The following CCDC149 variants were observed in gnomAD, a reference collection of about 807,000 sequenced individuals.
The protein encoded by CCDC149 is coiled-coil domain containing 149, also known as coiled-coil domain-containing protein 149.
In CCDC149, 45 loss-of-function variants were observed where a neutral mutation model predicts 59.9. The observed-to-expected ratio is 0.75, with a 90% confidence interval of 0.59 to 0.96. CCDC149 has a LOEUF of 0.96. Ranked by LOEUF, CCDC149 falls within the 40% of genes least tolerant of loss-of-function variation. The pLI is 0.00. For missense variants in CCDC149, 584 were observed against 664.7 expected (o/e 0.88, Z 1.33); for synonymous variants, 245 against 260.6 (o/e 0.94, Z 0.58).
At chr4:24,898,239 C>T (rs1720956838) in intron 1 of CCDC149, among the ~76,000 whole-genome samples, 1 of 152,192 alleles carries the variant, frequency 6.6e-6, no homozygotes, top group Non-Finnish European at 1.5e-5. Flanking sequence ...ATTTAAAACA[C>T]ACTTTCACAT....
intron 1 of CCDC149, among the ~76,000 whole-genome samples, chr4:24,889,951 A>T (rs1234751023): frequency 2.0e-5 from 3 of 152,200 alleles, no homozygotes; most frequent in Non-Finnish European, 4.4e-5. Context: ...GGGACCTGTA[A>T]TCGTGCTTCC....
chr4:24,939,082 G>T (rs1381555506), intron 1 of CCDC149, among the ~76,000 whole-genome samples: 4 of 152,174 alleles, frequency 2.6e-5, no homozygotes, highest in African/African-American at 9.6e-5. Context: ...ATCTGAGAAC[G>T]GGCAGACTGC....
At chr4:24,978,178 G>A (rs1417086103) in intron 1 of CCDC149, among the ~76,000 whole-genome samples, 2 of 152,186 alleles carry the variant, frequency 1.3e-5, no homozygotes, top group Non-Finnish European at 2.9e-5. Flanking sequence ...GTCCAACACA[G>A]TAGCTACTAA....
At chr4:24,851,283 G>T (rs1293536776) in intron 4 of CCDC149, among the ~76,000 whole-genome samples, 2 of 152,172 alleles carry the variant, frequency 1.3e-5, no homozygotes, top group African/African-American at 4.8e-5. Context: ...TTTTGAAAGA[G>T]ATGGGGTCTC....
At chr4:24,844,895 T>C (rs1717175161) in intron 4 of CCDC149, among the ~76,000 whole-genome samples, 1 of 152,228 alleles carries the variant, frequency 6.6e-6, no homozygotes, top group African/African-American at 2.4e-5. Flanking sequence ...TCCTAGGTGC[T>C]GATCCCCATT....
intron 1 of CCDC149, among the ~76,000 whole-genome samples, chr4:24,924,648 G>T (rs142363139): frequency 2.6e-5 from 4 of 152,334 alleles, no homozygotes; most frequent in African/African-American, 9.6e-5. Context: ...CTGCTTCAGG[G>T]TAGTGGATTT....
intron 1 of CCDC149, among the ~76,000 whole-genome samples, chr4:24,970,633 C>T (rs1454200110): frequency 1.3e-5 from 2 of 152,134 alleles, no homozygotes; most frequent in East Asian, 1.9e-4. Flanking sequence ...AGAAGCCCCA[C>T]CAACATCACG....
chr4:24,880,375 G>A (rs538458188), intron 1 of CCDC149, among the ~76,000 whole-genome samples: 16 of 152,280 alleles, frequency 1.1e-4, no homozygotes, highest in South Asian at 4.1e-4. Context: ...TGACGAAATC[G>A]CCTAGCGGCA....
upstream of CCDC149, among the ~76,000 whole-genome samples, chr4:24,914,459 C>G (rs1560254936): frequency 6.6e-6 from 1 of 151,914 alleles, no homozygotes; most frequent in African/African-American, 2.4e-5. Flanking sequence ...CTTGCTTCTG[C>G]TCTTGGAAAC....
At chr4:24,848,397 C>A (rs888991977) in intron 4 of CCDC149, among the ~76,000 whole-genome samples, 1 of 152,014 alleles carries the variant, frequency 6.6e-6, no homozygotes, top group Non-Finnish European at 1.5e-5. Context: ...GGTAAATCTC[C>A]GTCTCTACTA....
At chr4:24,960,789 C>T (rs933325022) in intron 1 of CCDC149, among the ~76,000 whole-genome samples, 1 of 152,070 alleles carries the variant, frequency 6.6e-6, no homozygotes, top group Non-Finnish European at 1.5e-5. Flanking sequence ...GAGAAATAGA[C>T]AAATCCAAAA....
chr4:24,941,974 G>C (rs1722968090), intron 1 of CCDC149, among the ~76,000 whole-genome samples: 1 of 152,172 alleles, frequency 6.6e-6, no homozygotes, highest in Non-Finnish European at 1.5e-5. Context: ...GGTACAAGTA[G>C]GAGCTGGTAC....
intron 1 of CCDC149, among the ~76,000 whole-genome samples, chr4:24,908,109 A>AC (rs1721645373): frequency 2.0e-5 from 3 of 152,104 alleles, no homozygotes; most frequent in Admixed American, 2.0e-4. Flanking sequence ...ACTTCCAAAT[A>AC]AGGTCACATT....
chr4:24,967,459 A>C (rs562914020), intron 1 of CCDC149, among the ~76,000 whole-genome samples: 1 of 152,248 alleles, frequency 6.6e-6, no homozygotes, highest in Admixed American at 6.5e-5. Context: ...CTGTACCATC[A>C]ATCATGGATT....
rs1718964456 is a variant in CCDC149 at position 24,870,371 on chromosome 4, C to T, written c.264+3310G>A. 2.6e-5 allele frequency among the ~76,000 whole-genome samples: 4 copies of T among 152,296 alleles called. No individual in the cohort carries two copies. In the South Asian group the frequency reaches 6.2e-4, roughly 24 times the overall value. On this transcript the variant is annotated intron_variant, in intron 3 of 12. Coordinates refer to ENST00000635206, the MANE Select transcript of CCDC149 (RefSeq NM_001330643.2). ...ACTTAAAGCCCACATTACCTCTGAACTTCTCGCTATGTAAGGTAATTAATT... is the reference window on the plus strand; with the variant it reads ...ACTTAAAGCCCACATTACCTCTGAATTTCTCGCTATGTAAGGTAATTAATT...
intron 1 of CCDC149, among the ~76,000 whole-genome samples, chr4:24,970,626 A>G (rs1316860652): frequency 6.6e-6 from 1 of 152,166 alleles, no homozygotes; most frequent in Non-Finnish European, 1.5e-5. Flanking sequence ...TGGAACAAGA[A>G]GCCCCACCAA....
At chr4:24,950,864 C>T (rs970461737) in intron 1 of CCDC149, among the ~76,000 whole-genome samples, 1 of 152,210 alleles carries the variant, frequency 6.6e-6, no homozygotes, top group African/African-American at 2.4e-5. Context: ...TAAGCAGGAC[C>T]TGGCCAACGT....
chr4:24,895,720 A>C (rs931472394), intron 1 of CCDC149, among the ~76,000 whole-genome samples: 5 of 152,048 alleles, frequency 3.3e-5, no homozygotes, highest in Admixed American at 6.5e-5. Flanking sequence ...GTGTTACTAG[A>C]TTATCTCACT....
Position 24,811,355 on chromosome 4 carries a change from G to A in CCDC149, c.1193-2536C>T, listed in dbSNP as rs150916291. On this transcript the variant is annotated intron_variant, in intron 12 of 12. Coordinates refer to ENST00000635206, the MANE Select transcript of CCDC149 (RefSeq NM_001330643.2). ...TCTTCGATCCTTCAGTCTATCCTGC[G>A]TCCCCCCTGCTTGTGAGGTCTACAT... Among the ~76,000 whole-genome samples the A allele has an allele frequency of 4.1e-4, 62 of 151,678 alleles. 1 individual carries two copies. The highest frequency in any genetic ancestry group is 1.2e-3 in the African/African-American group (48 of 41,320).
Sources: gnomAD v4.1 joint callset for allele counts (sites outside exome capture counted in the v4.1 genomes callset) on GRCh38, gnomAD v4.1.1 for gene constraint, MANE v1.5 for transcripts, NCBI Gene and HGNC (gene_info 2026-07-23, HGNC 2026-07-21) for gene names.